Variants in AGBL4 observed in about 807,000 individuals in gnomAD.
AGBL4 encodes cytosolic carboxypeptidase 6.
AGBL4 carries 58 observed loss-of-function variants against 66.4 expected under a neutral mutation model. That is an observed-to-expected ratio of 0.87 (90% CI 0.71 to 1.09). The LOEUF (loss-of-function observed/expected upper bound fraction) is 1.09. Among genes scored for constraint, AGBL4 ranks in the 50% least tolerant of loss-of-function variants. The pLI is 0.00. For synonymous variants in AGBL4, 234 were observed against 222.9 expected, an observed-to-expected ratio of 1.05 and a Z score of -0.44; for missense variants, 579 against 631.0, an observed-to-expected ratio of 0.92 and a Z score of 0.88.
At chr1:49,241,309 T>A (rs1375906800) in intron 4 of AGBL4, among the ~76,000 whole-genome samples, 1 of 152,028 alleles carries the variant, frequency 6.6e-6, no homozygotes, top group Admixed American at 6.6e-5. Context: ...ACCTCAATAA[T>A]CTCTCCAATC....
chr1:48,777,604 A>G (rs1250762904), intron 6 of AGBL4, among the ~76,000 whole-genome samples: 7 of 152,068 alleles, frequency 4.6e-5, no homozygotes, highest in Non-Finnish European at 1.0e-4. Context: ...ACCAGTTCTG[A>G]CCAGAACTGG....
chr1:48,910,077 T>C (rs1652955041), intron 5 of AGBL4, among the ~76,000 whole-genome samples: 1 of 152,182 alleles, frequency 6.6e-6, no homozygotes, highest in Non-Finnish European at 1.5e-5. Context: ...CAGACCCAAT[T>C]AGAAAGAACT....
At chr1:49,491,950 A>G (rs999835447) in intron 3 of AGBL4, among the ~76,000 whole-genome samples, 3 of 151,940 alleles carry the variant, frequency 2.0e-5, no homozygotes, top group African/African-American at 4.8e-5. Context: ...TAAATTAGGC[A>G]CAGTTTGAGA....
chr1:48,875,109 C>T (rs1019343007), intron 5 of AGBL4, among the ~76,000 whole-genome samples: 1 of 152,166 alleles, frequency 6.6e-6, no homozygotes, highest in African/African-American at 2.4e-5. Flanking sequence ...CCCCTGCCCT[C>T]AAAGAGCTAG....
intron 5 of AGBL4, among the ~76,000 whole-genome samples, chr1:49,031,063 A>T (rs1421040866): frequency 6.6e-6 from 1 of 152,096 alleles, no homozygotes; most frequent in East Asian, 1.9e-4. Flanking sequence ...TGTATTACAT[A>T]TTTCAAATTG....
intron 11 of AGBL4, among the ~76,000 whole-genome samples, chr1:48,544,405 C>T (rs1485543254): frequency 6.6e-6 from 1 of 152,210 alleles, no homozygotes; most frequent in African/African-American, 2.4e-5. Context: ...TATATTTAAT[C>T]CAAATCCTGG....
the AGBL4 span, among the ~76,000 whole-genome samples, chr1:48,524,836 C>T: frequency 6.6e-6 from 1 of 151,724 alleles, no homozygotes; most frequent in Non-Finnish European, 1.5e-5. Flanking sequence ...GTAGTCTCTC[C>T]CCAGCTTTCT....
intron 4 of AGBL4, among the ~76,000 whole-genome samples, chr1:49,181,489 G>C (rs1263206203): frequency 1.3e-5 from 2 of 152,122 alleles, no homozygotes; most frequent in Non-Finnish European, 2.9e-5. Flanking sequence ...CCTGGCTGTG[G>C]GGACTTGGGC....
chr1:49,183,839 C>G (rs566995501), intron 4 of AGBL4, among the ~76,000 whole-genome samples: 2 of 152,280 alleles, frequency 1.3e-5, no homozygotes, highest in Admixed American at 1.3e-4. Flanking sequence ...AAGAAGACTT[C>G]CTTGACCTGA....
At chr1:48,593,015 A>G (rs1644941719) in intron 9 of AGBL4, among the ~76,000 whole-genome samples, 1 of 152,218 alleles carries the variant, frequency 6.6e-6, no homozygotes, top group Admixed American at 6.5e-5. Flanking sequence ...AAGAACCAGC[A>G]CCTGAATTAT....
chr1:49,937,166 C>T (rs1296066760), intron 1 of AGBL4, among the ~76,000 whole-genome samples: 1 of 151,258 alleles, frequency 6.6e-6, no homozygotes, highest in Non-Finnish European at 1.5e-5. Context: ...AAATGGAAAA[C>T]AAAAAAAGGC....
At chr1:49,825,274 T>A (rs983261893) in intron 2 of AGBL4, among the ~76,000 whole-genome samples, 2 of 152,218 alleles carry the variant, frequency 1.3e-5, no homozygotes, top group Non-Finnish European at 2.9e-5. Flanking sequence ...CAATCATGCA[T>A]CTTATTTCTA....
At chr1:49,348,613 G>C (rs1368507972) in intron 3 of AGBL4, among the ~76,000 whole-genome samples, 2 of 152,216 alleles carry the variant, frequency 1.3e-5, no homozygotes, top group African/African-American at 4.8e-5. Flanking sequence ...CTGTCCCAGA[G>C]CCTCCAGAGG....
intron 4 of AGBL4, among the ~76,000 whole-genome samples, chr1:49,094,660 T>A (rs780353483): frequency 6.6e-5 from 10 of 152,102 alleles, no homozygotes; most frequent in Non-Finnish European, 1.2e-4. Flanking sequence ...AAACTCTCAA[T>A]AAATTAGGTA....
At chr1:48,590,073 C>A (rs1644887800) in intron 10 of AGBL4, among the ~76,000 whole-genome samples, 1 of 152,098 alleles carries the variant, frequency 6.6e-6, no homozygotes, top group South Asian at 2.1e-4. Flanking sequence ...CATAGCGAGA[C>A]CCTGTCTCTA....
chr1:49,215,194 C>T (rs972965149), intron 4 of AGBL4, among the ~76,000 whole-genome samples: 2 of 152,096 alleles, frequency 1.3e-5, no homozygotes, highest in African/African-American at 4.8e-5. Flanking sequence ...TTCTGTTCCT[C>T]ATGTGCTCTG....
intron 3 of AGBL4, among the ~76,000 whole-genome samples, chr1:49,449,262 A>G (rs956541238): frequency 6.6e-6 from 1 of 152,088 alleles, no homozygotes; most frequent in Non-Finnish European, 1.5e-5. Flanking sequence ...ATTCTCTGAT[A>G]TACTGTGTTA....
At chr1:49,656,066 G>A (rs968560583) in intron 3 of AGBL4, among the ~76,000 whole-genome samples, 19 of 151,884 alleles carry the variant, frequency 1.3e-4, no homozygotes, top group African/African-American at 3.6e-4. Context: ...AGAATAGCTT[G>A]AACCTGGGAG....
At chr1:48,866,170 A>G (rs1648049916) in intron 6 of AGBL4, among the ~76,000 whole-genome samples, 1 of 152,186 alleles carries the variant, frequency 6.6e-6, no homozygotes, top group African/African-American at 2.4e-5. Context: ...GATAGTGACT[A>G]CAGAGGGCAA....
Sources: allele counts gnomAD v4.1 joint callset (sites outside exome capture counted in the v4.1 genomes callset), GRCh38; gene constraint gnomAD v4.1.1; transcripts MANE v1.5; gene names NCBI Gene and HGNC (gene_info 2026-07-23, HGNC 2026-07-21).